The following SPATA16 variants were observed in gnomAD, a reference collection of about 807,000 sequenced individuals.
The protein encoded by SPATA16 is spermatogenesis-associated protein 16.
A neutral mutation model predicts 63.3 loss-of-function variants in SPATA16; 36 were observed. The observed-to-expected ratio is 0.57, with a 90% CI of 0.44 to 0.75. The LOEUF is 0.75. SPATA16 is among the 30% of genes least tolerant of loss of function. The pLI is 0.00. For synonymous variants in SPATA16, 203 were observed against 216.7 expected (o/e 0.94, Z 0.56); for missense variants, 646 against 679.3 (o/e 0.95, Z 0.54).
chr3:172,981,457 A>G (rs1359072162), intron 4 of SPATA16, among the ~76,000 whole-genome samples: 1 of 152,064 alleles, frequency 6.6e-6, no homozygotes, highest in Admixed American at 6.6e-5. Context: ...CTCATTTTCA[A>G]CTACCTTCTT....
chr3:172,919,197 C>T (rs1423689804), intron 8 of SPATA16, among the ~76,000 whole-genome samples: 1 of 152,148 alleles, frequency 6.6e-6, no homozygotes, highest in African/African-American at 2.4e-5. Context: ...TAACATTTAG[C>T]CCAGAAAGCA....
At chr3:173,002,303 ACT>A (rs772884244) in intron 4 of SPATA16, among the ~76,000 whole-genome samples, 3 of 152,244 alleles carry the variant, frequency 2.0e-5, no homozygotes, top group East Asian at 3.9e-4. Context: ...AAGTCTGGTA[ACT>A]CTGTTTTATT....
Position 172,916,397 on chromosome 3 carries a change from A to T in SPATA16, c.1423T>A (p.Ser475Thr). Reference sequence around the variant, plus strand: ...GCCATTGCTTGATTAATCACCTGGGACTGCTCCTTTACTCTCTGCAGCTGG... The same window carrying T: ...GCCATTGCTTGATTAATCACCTGGGTCTGCTCCTTTACTCTCTGCAGCTGG... ...LSQLQRVKEQSQVINQAMAEL... is the reference protein window; with the variant it reads ...LSQLQRVKEQTQVINQAMAEL... The change falls in exon 9 of 11, where the codon TCC becomes ACC. Residue 475 changes from serine to threonine, a missense_variant. Ser to Thr is a moderately conservative substitution (Grantham distance 58). Transcript: ENST00000351008. 6.2e-7 allele frequency: 1 copy of T among 1,613,862 alleles called. No homozygotes were observed. The highest frequency in any genetic ancestry group is 2.2e-5 in the East Asian group (1 of 44,880).
chr3:173,010,717 C>T (rs372707456), intron 4 of SPATA16, among the ~76,000 whole-genome samples: 3 of 152,202 alleles, frequency 2.0e-5, no homozygotes, highest in African/African-American at 7.2e-5. Flanking sequence ...CACCCAGCCC[C>T]GGCCTGAGCA....
intron 5 of SPATA16, among the ~76,000 whole-genome samples, chr3:172,961,145 G>A (rs1160808260): frequency 1.6e-5 from 2 of 128,946 alleles, no homozygotes; most frequent in African/African-American, 6.2e-5. Context: ...TCTTGTGGAG[G>A]AGTTGGGCAA....
intron 3 of SPATA16, among the ~76,000 whole-genome samples, chr3:173,046,235 A>G (rs791826): frequency 0.14 from 20,666 of 151,998 alleles, 1,518 homozygotes; most frequent in East Asian, 0.15. Context: ...GTATTAGGAG[A>G]GTCTGAGCAT....
chr3:173,129,573 A>ATT (rs1056815942), intron 1 of SPATA16, among the ~76,000 whole-genome samples: 2 of 151,514 alleles, frequency 1.3e-5, no homozygotes, highest in Non-Finnish European at 2.9e-5. Context: ...TATTCACTGT[A>ATT]TTATATATAT....
In SPATA16 at chr3:172,940,872, A is replaced by G. The variant is rs368063265; in HGVS notation, c.1082-15380T>C. Among the ~76,000 whole-genome samples, 10 of 152,058 alleles carry G rather than the reference A, an allele frequency of 6.6e-5. No individual in the cohort carries two copies. In the East Asian group the frequency reaches 1.2e-3, roughly 18 times the overall value. On this transcript the variant is annotated intron_variant, in intron 6 of 10. Coordinates refer to ENST00000351008, the MANE Select transcript of SPATA16 (RefSeq NM_031955.6). Reference sequence around the variant, plus strand: ...GTGGCACGTGCCTGTAATCACAGCTACTCGGGAGGCTGAGGCAGGAGAATT... The same window carrying G: ...GTGGCACGTGCCTGTAATCACAGCTGCTCGGGAGGCTGAGGCAGGAGAATT...
intron 1 of SPATA16, among the ~76,000 whole-genome samples, chr3:173,121,942 AC>A (rs1738085706): frequency 6.6e-6 from 1 of 152,190 alleles, no homozygotes; most frequent in African/African-American, 2.4e-5. Context: ...GATTAAAATG[AC>A]ATTAGTCAGT....
intron 5 of SPATA16, among the ~76,000 whole-genome samples, chr3:172,966,927 ATC>A (rs146064756): frequency 6.6e-6 from 1 of 152,332 alleles, no homozygotes; most frequent in African/African-American, 2.4e-5. Context: ...ACCCATAAAA[ATC>A]TATGGAAAAT....
intron 3 of SPATA16, among the ~76,000 whole-genome samples, chr3:173,024,100 A>T (rs961589506): frequency 1.3e-5 from 2 of 150,874 alleles, no homozygotes; most frequent in African/African-American, 4.9e-5. Context: ...CACAATAGGT[A>T]TGGGATTTTT....
At chr3:173,138,426 A>G (rs1346617510) in intron 1 of SPATA16, among the ~76,000 whole-genome samples, 1 of 152,200 alleles carries the variant, frequency 6.6e-6, no homozygotes. Context: ...ATATTTTCAA[A>G]CATTTTAAAA....
At chr3:173,076,395 A>G (rs1736803673) in intron 2 of SPATA16, among the ~76,000 whole-genome samples, 1 of 143,082 alleles carries the variant, frequency 7.0e-6, no homozygotes, top group African/African-American at 2.7e-5. Flanking sequence ...GTTAGTATAA[A>G]ATTTTTTTTT....
chr3:172,895,837 G>A (rs1028246964), intron 10 of SPATA16, among the ~76,000 whole-genome samples: 1 of 152,098 alleles, frequency 6.6e-6, no homozygotes, highest in Non-Finnish European at 1.5e-5. Context: ...CCAGTTTGGG[G>A]TTATTGTAAA....
Position 172,928,626 on chromosome 3 carries a change from A to G in SPATA16, c.1082-3134T>C, listed in dbSNP as rs73043003. Among the ~76,000 whole-genome samples the G allele has an allele frequency of 6.2e-3, 944 of 152,338 alleles. 7 individuals are homozygous for G. Among genetic ancestry groups the G allele is most frequent in the African/African-American group, 0.022 (897 of 41,574 alleles). ...TATTTGATAGATAGATAGGAGAGCA[A>G]TACTATTATTGGCAGTGATTAGATG... is the stretch of plus-strand genomic sequence containing the variant. On this transcript the variant is annotated intron_variant, in intron 6 of 10. Transcript: ENST00000351008.
intron 3 of SPATA16, among the ~76,000 whole-genome samples, chr3:173,019,876 CTATTT>C (rs1055297406): frequency 1.3e-5 from 2 of 148,848 alleles, no homozygotes; most frequent in African/African-American, 4.9e-5. Flanking sequence ...AGACATGGTG[CTATTT>C]TATTTGTTTT....
intron 2 of SPATA16, among the ~76,000 whole-genome samples, chr3:173,055,731 C>G (rs765262624): frequency 2.6e-5 from 4 of 152,150 alleles, no homozygotes; most frequent in African/African-American, 9.7e-5. Flanking sequence ...ATAATACACA[C>G]ACACATACAA....
At chr3:173,015,477 T>C (rs1255414311) in intron 4 of SPATA16, among the ~76,000 whole-genome samples, 1 of 152,202 alleles carries the variant, frequency 6.6e-6, no homozygotes, top group African/African-American at 2.4e-5. Flanking sequence ...CCCTGTGCAA[T>C]GTTATATGGT....
intron 1 of SPATA16, among the ~76,000 whole-genome samples, chr3:173,128,151 G>A (rs942164907): frequency 7.2e-5 from 11 of 152,170 alleles, no homozygotes; most frequent in African/African-American, 2.7e-4. Flanking sequence ...CAGGACTGAA[G>A]TTGGTCTACA....
Sources: gnomAD v4.1 joint callset for allele counts (sites outside exome capture counted in the v4.1 genomes callset) on GRCh38, gnomAD v4.1.1 for gene constraint, MANE v1.5 for transcripts, NCBI Gene and HGNC (gene_info 2026-07-23, HGNC 2026-07-21) for gene names.